Variants in PRDM6 observed in about 807,000 individuals in gnomAD.
PRDM6 encodes the protein putative histone-lysine N-methyltransferase PRDM6.
In PRDM6, 25 loss-of-function variants were observed where a neutral mutation model predicts 60.8. That is an observed-to-expected ratio of 0.41 (90% CI 0.30 to 0.57). The LOEUF (loss-of-function observed/expected upper bound fraction) is 0.57. Ranked by LOEUF, PRDM6 falls within the 20% of genes least tolerant of loss-of-function variation. The probability of loss-of-function intolerance (pLI) is 0.27; values close to 1 mark genes in which losing one functional copy is unlikely to be tolerated. For missense variants in PRDM6, 839 were observed against 821.3 expected, an observed-to-expected ratio of 1.02 and a Z score of -0.26; for synonymous variants, 407 against 357.4, an observed-to-expected ratio of 1.14 and a Z score of -1.57.
intron 3 of PRDM6, among the ~76,000 whole-genome samples, chr5:123,139,732 A>G (rs551070857): frequency 2.0e-5 from 3 of 152,214 alleles, no homozygotes; most frequent in South Asian, 2.1e-4. Context: ...TATCCAACCA[A>G]TTTTTAAAAT....
In PRDM6 at chr5:123,178,550, T is replaced by C. The variant is rs780503676; in HGVS notation, c.1497-1597T>C. Among the ~76,000 whole-genome samples the C allele has an allele frequency of 3.9e-4, 59 of 152,354 alleles. 1 individual carries two copies. The highest frequency in any genetic ancestry group is 1.4e-3 in the African/African-American group (57 of 41,590). On this transcript the variant is annotated intron_variant, in intron 6 of 7. Transcript: ENST00000407847. ...AAAATGCATGTGTAATTTGGCAAGA[T>C]TGATAAACTCCTTACCAAAGACTTT...
Position 123,159,581 on chromosome 5 carries a change from G to T in PRDM6, c.1096G>T (p.Asp366Tyr). 6.4e-7 allele frequency: 1 copy of T among 1,551,540 alleles called. No homozygotes were observed. Among genetic ancestry groups the T allele is most frequent in the African/African-American group, 1.4e-5 (1 of 73,154 alleles). ...RGTELLVWYNDSYTSFFGIPL... is the reference protein window; with the variant it reads ...RGTELLVWYNYSYTSFFGIPL... ...CACCGAGCTTCTGGTGTGGTACAAT[G>T]ACAGCTATACGTCTTTCTTTGGGAT... The change falls in exon 5 of 8, where the codon GAC becomes TAC. Residue 366 changes from aspartate (D) to tyrosine (Y), a missense_variant. Transcript: ENST00000407847.
chr5:123,171,117 G>T lies in PRDM6; in HGVS notation c.1496+9G>T. 6.6e-7 allele frequency: 1 copy of T among 1,517,580 alleles called. No individual in the cohort carries two copies. Among genetic ancestry groups the T allele is most frequent in the South Asian group, 1.3e-5 (1 of 77,436 alleles). The allele number at this position is 1,517,580 out of a possible 1,614,324, so 94.0% of individuals were successfully genotyped here. On this transcript the variant is annotated intron_variant, in intron 6 of 7. Transcript: ENST00000407847. ...ACGCAGAACCCCGACAGGTAACCCT[G>T]ACTCTCACTGCTGACAGTGTGTTTG...
At chr5:123,181,201 G>A (rs1037404510) in intron 7 of PRDM6, among the ~76,000 whole-genome samples, 7 of 152,236 alleles carry the variant, frequency 4.6e-5, no homozygotes, top group African/African-American at 1.7e-4. Flanking sequence ...ATACAAAGGT[G>A]AATGACATTT....
At chr5:123,113,581 C>T (rs575043162) in intron 3 of PRDM6, among the ~76,000 whole-genome samples, 12 of 152,190 alleles carry the variant, frequency 7.9e-5, no homozygotes, top group African/African-American at 9.6e-5. Flanking sequence ...GTAGTAAAGG[C>T]AGGATTTCCA....
At chr5:123,156,203 G>A (rs1406143520) in intron 4 of PRDM6, among the ~76,000 whole-genome samples, 192 bp downstream of exon 4, 1 of 151,902 alleles carries the variant, frequency 6.6e-6, no homozygotes. Context: ...TGAACATTTA[G>A]GATTAAAAGT....
In PRDM6 at chr5:123,089,873, G is replaced by A. The variant is rs1465104935; in HGVS notation, c.-15-127G>A. On this transcript the variant is annotated intron_variant, in intron 1 of 7. Coordinates refer to ENST00000407847, the MANE Select transcript of PRDM6 (RefSeq NM_001136239.4). ...GCCCAAGCGGAGTTGGGAAGAGGGAGCCGCGGAACCGGGCGGCCGCCGGCT... is the reference window on the plus strand; with the variant it reads ...GCCCAAGCGGAGTTGGGAAGAGGGAACCGCGGAACCGGGCGGCCGCCGGCT... 1.5e-5 allele frequency: 10 copies of A among 669,950 alleles called. 1 individual carries two copies. The highest frequency in any genetic ancestry group is 2.2e-5 in the Non-Finnish European group (9 of 404,476). 41.5% of individuals were successfully genotyped at this position (669,950 alleles called of 1,614,324 possible).
Position 123,170,849 on chromosome 5 carries a change from A to G in PRDM6, c.1237A>G (p.Thr413Ala). 6.4e-7 allele frequency: 1 copy of G among 1,552,152 alleles called. No individual in the cohort carries two copies. The highest frequency in any genetic ancestry group is 8.7e-7 in the Non-Finnish European group (1 of 1,147,092). The change falls in exon 6 of 8, where the codon ACC becomes GCC. Residue 413 changes from threonine (T) to alanine (A), a missense_variant. Thr to Ala is a moderately conservative substitution (Grantham distance 58). This residue lies in a region of PRDM6 where 730 missense variants were observed against 648.8 expected (regional missense o/e 1.13). Transcript: ENST00000407847. ...PFNKSSKLAP[T>A]TQQRSVVFPQ... ...CAACAAAAGCAGCAAACTCGCCCCT[A>G]CCACCCAGCAGCGCTCCGTTGTTTT...
In PRDM6 at chr5:123,090,257, C is replaced by G; in HGVS notation, c.243C>G (p.Ser81=). The G allele has an allele frequency of 1.3e-6, 2 of 1,487,860 alleles. No homozygotes were observed. 92.2% of individuals were successfully genotyped at this position (1,487,860 alleles called of 1,614,324 possible). A position where few individuals can be genotyped will look rare whatever the true frequency, so the allele number is the denominator to read the frequency against. Residue 81 remains serine (S), a synonymous_variant, in exon 2 of 8, where the codon TCC becomes TCG. Transcript: ENST00000407847. ...PRPASLSSAS[S]TPASSSTSAS... Reference sequence around the variant, plus strand: ...CCGCCTCTCTCTCCTCCGCCTCGTCCACGCCGGCTTCCTCTTCCACCTCCG... The same window carrying G: ...CCGCCTCTCTCTCCTCCGCCTCGTCGACGCCGGCTTCCTCTTCCACCTCCG...
Position 123,101,895 on chromosome 5 carries a change from A to G in PRDM6, c.900+1934A>G, listed in dbSNP as rs1042892764. Among the ~76,000 whole-genome samples, 54 of 152,146 alleles carry G rather than the reference A, an allele frequency of 3.5e-4. 1 individual carries two copies. Among genetic ancestry groups the G allele is most frequent in the Non-Finnish European group, 6.3e-4 (43 of 68,016 alleles). ...TTTTGTTGTAGTAAAGAGACTGGGG[A>G]ATTTAGTCAGTGTTTTTCTTTTTCT... is the stretch of plus-strand genomic sequence containing the variant. On this transcript the variant is annotated intron_variant, in intron 3 of 7. Transcript: ENST00000407847.
intron 2 of PRDM6, among the ~76,000 whole-genome samples, chr5:123,091,336 C>T (rs1763837168): frequency 6.6e-6 from 1 of 152,208 alleles, no homozygotes. Context: ...ACCTTTGACC[C>T]CGCAAACATT....
In PRDM6 at chr5:123,187,236, G is replaced by A; in HGVS notation, c.*35G>A. 6.8e-7 allele frequency: 1 copy of A among 1,476,780 alleles called. No individual in the cohort carries two copies. The highest frequency in any genetic ancestry group is 9.3e-7 in the Non-Finnish European group (1 of 1,079,696). The allele number at this position is 1,476,780 out of a possible 1,614,324, so 91.5% of individuals were successfully genotyped here. On this transcript the variant is annotated 3_prime_UTR_variant, in exon 8 of 8. Transcript: ENST00000407847. ...TGGTTGGAATTAAACTGCAAGGAAA[G>A]TCATGATTAAATGTCACGGACACTT...
intron 5 of PRDM6, among the ~76,000 whole-genome samples, chr5:123,167,549 CCAGCTAATTT>C (rs947671465): frequency 6.6e-6 from 1 of 152,168 alleles, no homozygotes; most frequent in African/African-American, 2.4e-5. Context: ...GCCACCACGC[CCAGCTAATTT>C]TGTATTTTTA....
chr5:123,178,291 T>C (rs1766062560), intron 6 of PRDM6, among the ~76,000 whole-genome samples: 1 of 152,194 alleles, frequency 6.6e-6, no homozygotes, highest in Non-Finnish European at 1.5e-5. Context: ...CTAATAAATG[T>C]TAATGGTCCC....
At position 123,187,180 on chromosome 5, in the gene PRDM6, A is replaced by C. The variant is rs1766307139; in HGVS notation, c.1767A>C (p.Pro589=). 1 of 1,551,250 alleles carries C rather than the reference A, an allele frequency of 6.4e-7. No individual in the cohort carries two copies. The highest frequency in any genetic ancestry group is 8.7e-7 in the Non-Finnish European group (1 of 1,146,594). Residue 589 remains proline (P), a synonymous_variant, in exon 8 of 8, where the codon CCA becomes CCC. Transcript: ENST00000407847. ...AGTGCAAGCCAATAACTGAGAGCCC[A>C]GAATCAATCGAAGTGGATTAACGGA... The part of the protein sequence containing the change: ...PNECKPITES[P]ESIEVD
At chr5:123,177,694 T>C (rs1436008602) in intron 6 of PRDM6, among the ~76,000 whole-genome samples, 1 of 152,200 alleles carries the variant, frequency 6.6e-6, no homozygotes, top group Non-Finnish European at 1.5e-5. Context: ...ATATTGGTGA[T>C]GCTGTATCTT....
intron 3 of PRDM6, among the ~76,000 whole-genome samples, chr5:123,108,092 T>A (rs563120369): frequency 2.6e-5 from 4 of 152,190 alleles, no homozygotes; most frequent in Admixed American, 6.5e-5. Flanking sequence ...CCTCTGTACA[T>A]TTATTTAGTA....
intron 3 of PRDM6, among the ~76,000 whole-genome samples, chr5:123,132,113 G>A (rs912391751): frequency 2.0e-5 from 3 of 152,084 alleles, no homozygotes; most frequent in Non-Finnish European, 2.9e-5. Context: ...CCCTTCTGAC[G>A]TATGTGCCCT....
chr5:123,106,797 C>T (rs1467110565), intron 3 of PRDM6, among the ~76,000 whole-genome samples: 1 of 152,214 alleles, frequency 6.6e-6, no homozygotes, highest in Non-Finnish European at 1.5e-5. Flanking sequence ...CAGAGGAATC[C>T]ATTAAAATGC....
Sources: allele counts gnomAD v4.1 joint callset (sites outside exome capture counted in the v4.1 genomes callset), GRCh38; gene constraint gnomAD v4.1.1; regional missense constraint gnomAD v4.1.1; transcripts MANE v1.5; gene names NCBI Gene and HGNC (gene_info 2026-07-23, HGNC 2026-07-21).